Variants in VPS13B observed in about 807,000 individuals in gnomAD.
VPS13B encodes the protein intermembrane lipid transfer protein VPS13B.
Under a neutral mutation model 426.4 loss-of-function variants are expected in VPS13B, and 285 were observed. That is an observed-to-expected ratio of 0.67 (90% CI 0.61 to 0.74). VPS13B has a LOEUF of 0.74. Ranked by LOEUF, VPS13B falls within the 30% of genes least tolerant of loss-of-function variation. VPS13B has a pLI of 0.00. For synonymous variants in VPS13B, 1,676 were observed against 1,676.4 expected (o/e 1.00, Z 0.01); for missense variants, 4,537 against 4,782.6 (o/e 0.95, Z 1.51).
At chr8:99,285,377 T>G (rs1224711175) in intron 19 of VPS13B, among the ~76,000 whole-genome samples, 1 of 152,128 alleles carries the variant, frequency 6.6e-6, no homozygotes, top group African/African-American at 2.4e-5. Context: ...CAAGGTCAAA[T>G]TTTTTGCATT....
chr8:99,463,753 C>T (rs1818953962), intron 23 of VPS13B, among the ~76,000 whole-genome samples: 1 of 152,154 alleles, frequency 6.6e-6, no homozygotes, highest in Non-Finnish European at 1.5e-5. Context: ...AGTGCAGTGG[C>T]ATGATCTCGG....
chr8:99,581,027 AC>A, intron 33 of VPS13B, among the ~76,000 whole-genome samples: 1 of 148,706 alleles, frequency 6.7e-6, no homozygotes, highest in East Asian at 2.0e-4. Flanking sequence ...ACACACACAC[AC>A]ACAAATTAGG....
chr8:99,020,560 A>G (rs987129765), intron 2 of VPS13B, among the ~76,000 whole-genome samples: 3 of 152,208 alleles, frequency 2.0e-5, no homozygotes, highest in African/African-American at 7.2e-5. Context: ...ATCATTGTCA[A>G]ATCTAATGTC....
Position 99,300,733 on chromosome 8 carries a change from G to A in VPS13B, c.2824+25479G>A, listed in dbSNP as rs543653132. ...TGTCTGCATTACTCTTACAGAGCTGGGTTTTAGCCTCAGCTATATCATTTA... is the reference window on the plus strand; with the variant it reads ...TGTCTGCATTACTCTTACAGAGCTGAGTTTTAGCCTCAGCTATATCATTTA... On this transcript the variant is annotated intron_variant, in intron 19 of 61. Coordinates refer to ENST00000357162, the MANE Select transcript of VPS13B (RefSeq NM_152564.5). Among the ~76,000 whole-genome samples the A allele has an allele frequency of 3.7e-4, 57 of 152,190 alleles. No individual in the cohort carries two copies. In the South Asian group the frequency reaches 0.011, roughly 30 times the overall value.
In VPS13B at chr8:99,868,400, G is replaced by C; in HGVS notation, c.11327G>C (p.Gly3776Ala). Residue 3776 changes from glycine to alanine, a missense_variant, in exon 59 of 62, where the codon GGA (glycine) becomes GCA (alanine). Physicochemically the swap from Gly to Ala is moderately conservative, Grantham distance 60 (BLOSUM62 0). Transcript: ENST00000357162. ...GGTGTCATCTCGGGTGTGGGGAAAG[G>C]AATCATGGGGGTGTTCACAAAGCCC... Reference protein sequence around the residue: ...AKGVISGVGKGIMGVFTKPIG... With the variant: ...AKGVISGVGKAIMGVFTKPIG... 6.2e-7 allele frequency: 1 copy of C among 1,614,140 alleles called. No homozygotes were observed. The highest frequency in any genetic ancestry group is 8.5e-7 in the Non-Finnish European group (1 of 1,180,026).
intron 14 of VPS13B, 55 bp downstream of exon 14, chr8:99,148,065 T>G (rs1483515334): frequency 6.4e-7 from 1 of 1,569,658 alleles, no homozygotes. Flanking sequence ...TTTTTTTTTT[T>G]TTTTTTGTCA....
At chr8:99,269,308 G>T (rs1818456925) in intron 17 of VPS13B, among the ~76,000 whole-genome samples, 1 of 152,168 alleles carries the variant, frequency 6.6e-6, no homozygotes. Context: ...GTACCTTAGG[G>T]ATACCTCTTT....
chr8:99,872,174 C>T (rs1431438803), intron 61 of VPS13B, among the ~76,000 whole-genome samples: 1 of 152,188 alleles, frequency 6.6e-6, no homozygotes, highest in Non-Finnish European at 1.5e-5. Context: ...CAACTGGCTG[C>T]AGGGTGCTGG....
chr8:99,790,503 G>T (rs1812486188), intron 43 of VPS13B, among the ~76,000 whole-genome samples: 1 of 152,150 alleles, frequency 6.6e-6, no homozygotes, highest in African/African-American at 2.4e-5. Context: ...TTATAGACAT[G>T]ACATTGTCTA....
chr8:99,663,097 G>A (rs1459424819), intron 35 of VPS13B, among the ~76,000 whole-genome samples: 2 of 152,036 alleles, frequency 1.3e-5, no homozygotes, highest in Non-Finnish European at 2.9e-5. Context: ...TTTTACAACT[G>A]TCTTAAGATC....
intron 25 of VPS13B, among the ~76,000 whole-genome samples, chr8:99,489,531 A>G (rs1471485304): frequency 1.3e-5 from 2 of 152,142 alleles, no homozygotes; most frequent in South Asian, 2.1e-4. Context: ...CTTCCTATCC[A>G]TGAATATAGA....
chr8:99,489,111 GT>G (rs2133574698), intron 25 of VPS13B, among the ~76,000 whole-genome samples: 2 of 152,266 alleles, frequency 1.3e-5, no homozygotes, highest in African/African-American at 4.8e-5. Context: ...TGGCTAGCCA[GT>G]TTTCCCAGCA....
At chr8:99,211,415 C>T (rs1815082567) in intron 17 of VPS13B, among the ~76,000 whole-genome samples, 1 of 152,182 alleles carries the variant, frequency 6.6e-6, no homozygotes, top group Admixed American at 6.5e-5. Flanking sequence ...TTGGTTTGCT[C>T]TCTGCCCTGA....
chr8:99,517,349 T>G (rs1356288287), intron 29 of VPS13B, among the ~76,000 whole-genome samples: 1 of 152,182 alleles, frequency 6.6e-6, no homozygotes, highest in East Asian at 1.9e-4. Context: ...TCAGAGTTGT[T>G]TATAGCCTTT....
In VPS13B at chr8:99,766,840, C is replaced by T; in HGVS notation, c.7117C>T (p.Leu2373=). The T allele has an allele frequency of 6.2e-7, 1 of 1,614,018 alleles. No homozygotes were observed. Among genetic ancestry groups the T allele is most frequent in the Non-Finnish European group, 8.5e-7 (1 of 1,179,976 alleles). Residue 2373 remains leucine (L), a synonymous_variant, in exon 40 of 62, where the codon CTG becomes TTG. Transcript: ENST00000357162. ...TTTTGTTGCATTTAGAGAATTTAAT[C>T]TGTCTGAAAGCAAAGTTTGTGAACT... ...KVFVAFREFN[L]SESKVCELQL...
chr8:99,417,221 T>C (rs1226017219), intron 21 of VPS13B, among the ~76,000 whole-genome samples: 2 of 152,330 alleles, frequency 1.3e-5, no homozygotes, highest in Non-Finnish European at 2.9e-5. Context: ...CCCTGGATTA[T>C]ATTTAGTTTC....
chr8:99,066,468 G>A (rs1844519611), intron 3 of VPS13B, among the ~76,000 whole-genome samples: 1 of 152,174 alleles, frequency 6.6e-6, no homozygotes, highest in East Asian at 1.9e-4. Context: ...GCTGAAACTG[G>A]ATCCCTTCCT....
intron 22 of VPS13B, among the ~76,000 whole-genome samples, chr8:99,441,446 A>T (rs1563732012): frequency 2.0e-5 from 3 of 152,110 alleles, no homozygotes; most frequent in Non-Finnish European, 4.4e-5. Context: ...TTTGTATCAC[A>T]CCTCCAGATA....
intron 34 of VPS13B, among the ~76,000 whole-genome samples, chr8:99,659,559 T>G (rs1031494025): frequency 8.5e-5 from 13 of 152,336 alleles, no homozygotes; most frequent in African/African-American, 1.2e-4. Context: ...ATACATTATT[T>G]TGCTACTTGG....
Sources: allele counts gnomAD v4.1 joint callset (sites outside exome capture counted in the v4.1 genomes callset), GRCh38; gene constraint gnomAD v4.1.1; transcripts MANE v1.5; gene names NCBI Gene and HGNC (gene_info 2026-07-23, HGNC 2026-07-21).